The following PTPRT variants were observed in gnomAD, a reference collection of about 807,000 sequenced individuals.
PTPRT encodes the protein receptor-type tyrosine-protein phosphatase T.
PTPRT carries 56 observed loss-of-function variants against 176.8 expected under a neutral mutation model. That is an observed-to-expected ratio of 0.32 (90% CI 0.26 to 0.40). The LOEUF is 0.40. Ranked by LOEUF, PTPRT falls within the 10% of genes least tolerant of loss-of-function variation. The probability of loss-of-function intolerance (pLI) is 1.00; values close to 1 mark genes in which losing one functional copy is unlikely to be tolerated. For missense variants in PTPRT, 1,540 were observed against 1,908.2 expected (o/e 0.81, Z 3.60); for synonymous variants, 783 against 739.0 (o/e 1.06, Z -0.96).
chr20:42,345,008 G>A (rs2058166867), intron 11 of PTPRT, among the ~76,000 whole-genome samples: 2 of 151,998 alleles, frequency 1.3e-5, no homozygotes, highest in African/African-American at 2.4e-5. Flanking sequence ...CCCAGCTTCT[G>A]AGCTCACCAT....
intron 7 of PTPRT, among the ~76,000 whole-genome samples, chr20:42,531,250 T>C (rs1302872414): frequency 6.6e-6 from 1 of 152,160 alleles, no homozygotes; most frequent in Non-Finnish European, 1.5e-5. Flanking sequence ...AATGAGTCTA[T>C]CTCCTTTTCT....
chr20:43,129,612 TC>T (rs2013574549), intron 1 of PTPRT, among the ~76,000 whole-genome samples: 2 of 135,626 alleles, frequency 1.5e-5, no homozygotes, highest in Admixed American at 7.8e-5. Context: ...TCCAAAGAGT[TC>T]TTTTTTTTTT....
Position 42,115,240 on chromosome 20 carries a change from G to T in PTPRT, c.3058C>A (p.Pro1020Thr), listed in dbSNP as rs769056184. Residue 1020 changes from proline to threonine, a missense_variant, in exon 22 of 31, where the codon CCC becomes ACC. Around this residue, in one of 11 missense-constraint regions of PTPRT, gnomAD observed 248 missense variants for 356.7 expected, o/e 0.70. Coordinates refer to ENST00000373187, the MANE Select transcript of PTPRT (RefSeq NM_007050.6). Reference protein sequence around the residue: ...DIKVTLIETEPLAEYVIRTFT... With the variant: ...DIKVTLIETETLAEYVIRTFT... The stretch of plus-strand genomic sequence containing the variant: ...GTGCGTATGACGTATTCTGCCAGGG[G>T]CTCTGTTTCAATCAGGGTGACTTTA... 5 of 1,614,070 alleles carry T rather than the reference G, an allele frequency of 3.1e-6. No homozygotes were observed. The South Asian group carries it at 3.3e-5, about 11-fold the overall frequency.
At chr20:42,455,680 G>GA (rs1250574404) in intron 8 of PTPRT, among the ~76,000 whole-genome samples, 9 of 152,192 alleles carry the variant, frequency 5.9e-5, no homozygotes, top group Middle Eastern at 3.4e-3. Context: ...TAGGGAGATT[G>GA]AAAAAATACT....
At chr20:42,214,865 C>T (rs139863925) in intron 15 of PTPRT, among the ~76,000 whole-genome samples, 2 of 152,224 alleles carry the variant, frequency 1.3e-5, no homozygotes, top group Non-Finnish European at 2.9e-5. Context: ...TTTGGAGCCA[C>T]ACTGCCTAGA....
At chr20:42,574,362 C>A (rs989143109) in intron 7 of PTPRT, among the ~76,000 whole-genome samples, 49 of 152,296 alleles carry the variant, frequency 3.2e-4, no homozygotes, top group African/African-American at 1.2e-3. Context: ...GCCTACTCCA[C>A]TTTGGTTAAA....
chr20:42,136,179 C>CTT (rs1018221397), intron 18 of PTPRT, among the ~76,000 whole-genome samples: 3 of 138,806 alleles, frequency 2.2e-5, no homozygotes, highest in African/African-American at 8.0e-5. Flanking sequence ...TATTTGGATA[C>CTT]TTGATATTCT....
intron 2 of PTPRT, among the ~76,000 whole-genome samples, chr20:42,836,901 T>C (rs1025427617): frequency 1.3e-5 from 2 of 152,180 alleles, no homozygotes; most frequent in African/African-American, 2.4e-5. Flanking sequence ...ACCATCCCCA[T>C]ATCAAAAATA....
chr20:42,995,908 T>C (rs1272081194), intron 1 of PTPRT, among the ~76,000 whole-genome samples: 1 of 152,086 alleles, frequency 6.6e-6, no homozygotes. Flanking sequence ...CCTCGACTCC[T>C]GGGCTCAAGC....
In PTPRT at chr20:42,399,854, C is replaced by T. The variant is rs557093723; in HGVS notation, c.1561-47569G>A. Among the ~76,000 whole-genome samples, 12 of 152,286 alleles carry T rather than the reference C, an allele frequency of 7.9e-5. No homozygotes were observed. In the South Asian group the frequency reaches 1.0e-3, roughly 13 times the overall value. On this transcript the variant is annotated intron_variant, in intron 9 of 30. Coordinates refer to ENST00000373187, the MANE Select transcript of PTPRT (RefSeq NM_007050.6). ...GCCACCATTTACATCACTTTTCACC[C>T]GGAAGAATGTATTGTGTCTTTCAAA...
At chr20:43,006,866 T>C (rs765753056) in intron 1 of PTPRT, among the ~76,000 whole-genome samples, 1 of 152,156 alleles carries the variant, frequency 6.6e-6, no homozygotes, top group Non-Finnish European at 1.5e-5. Flanking sequence ...TGATTAGAAC[T>C]GCGAGGCAGG....
intron 7 of PTPRT, among the ~76,000 whole-genome samples, chr20:42,637,224 T>G (rs759055170): frequency 1.3e-5 from 2 of 152,180 alleles, no homozygotes; most frequent in Non-Finnish European, 2.9e-5. Flanking sequence ...CTTTGAGAAT[T>G]ACTGGTCTAC....
chr20:42,211,134 C>A (rs1189687438), intron 15 of PTPRT, among the ~76,000 whole-genome samples: 3 of 152,130 alleles, frequency 2.0e-5, no homozygotes, highest in Admixed American at 6.5e-5. Context: ...ACACCTTATA[C>A]AAAAATCAGT....
intron 7 of PTPRT, among the ~76,000 whole-genome samples, chr20:42,659,812 A>T (rs1393868383): frequency 6.6e-6 from 1 of 152,174 alleles, no homozygotes; most frequent in Non-Finnish European, 1.5e-5. Flanking sequence ...AAATAAAAAA[A>T]ATTCAATTAA....
At chr20:42,362,081 C>A (rs1316828259) in intron 9 of PTPRT, among the ~76,000 whole-genome samples, 1 of 152,042 alleles carries the variant, frequency 6.6e-6, no homozygotes, top group Non-Finnish European at 1.5e-5. Context: ...GGCATCATAG[C>A]CAGACTCCAT....
intron 2 of PTPRT, among the ~76,000 whole-genome samples, chr20:42,793,972 C>T (rs1358494586): frequency 1.3e-5 from 2 of 152,154 alleles, no homozygotes; most frequent in African/African-American, 4.8e-5. Context: ...CAGCTCCTGT[C>T]CTCCTGCCAA....
intron 2 of PTPRT, among the ~76,000 whole-genome samples, chr20:42,818,135 C>T (rs776165577): frequency 2.0e-5 from 3 of 152,070 alleles, no homozygotes; most frequent in Non-Finnish European, 4.4e-5. Context: ...GTCTGGTGCC[C>T]CTCGAGGTCA....
At chr20:43,063,585 G>T in intron 1 of PTPRT, 1 of 152,412 alleles carries the variant, frequency 6.6e-6, no homozygotes. Flanking sequence ...CCTGCTAAAT[G>T]CCATGCTGGT....
intron 7 of PTPRT, among the ~76,000 whole-genome samples, chr20:42,579,012 C>T (rs1321586965): frequency 6.6e-6 from 1 of 150,610 alleles, no homozygotes; most frequent in Non-Finnish European, 1.5e-5. Flanking sequence ...CACCCATTAA[C>T]TCGTCATTTA....
Sources: gnomAD v4.1 joint callset for allele counts (sites outside exome capture counted in the v4.1 genomes callset) on GRCh38, gnomAD v4.1.1 for gene constraint, gnomAD v4.1.1 regional missense constraint, MANE v1.5 for transcripts, NCBI Gene and HGNC (gene_info 2026-07-23, HGNC 2026-07-21) for gene names.